The following NCOR2 variants were observed in gnomAD, a reference collection of about 807,000 sequenced individuals.
NCOR2 encodes the protein CTG repeat protein 26.
Under a neutral mutation model 262.9 loss-of-function variants are expected in NCOR2, and 81 were observed. That is an observed-to-expected ratio of 0.31 (90% CI 0.26 to 0.37). NCOR2 has a LOEUF of 0.37. Among genes scored for constraint, NCOR2 ranks in the 10% least tolerant of loss-of-function variants. NCOR2 has a pLI of 1.00. For missense variants in NCOR2, 3,385 were observed against 3,621.4 expected (o/e 0.93, Z 1.68); for synonymous variants, 1,659 against 1,559.3 (o/e 1.06, Z -1.51).
intron 1 of NCOR2, among the ~76,000 whole-genome samples, chr12:124,563,078 G>C (rs1285529974): frequency 6.6e-6 from 1 of 152,178 alleles, no homozygotes; most frequent in Admixed American, 6.5e-5. Context: ...GCCCCTAAAG[G>C]CTCTCCAATA....
intron 44 of NCOR2, among the ~76,000 whole-genome samples, chr12:124,330,015 T>C (rs973806955): frequency 6.6e-6 from 1 of 152,212 alleles, no homozygotes; most frequent in Admixed American, 6.5e-5. Context: ...GCTGACCCCC[T>C]GATAATATCT....
intron 1 of NCOR2, among the ~76,000 whole-genome samples, chr12:124,493,909 C>T (rs1173058330): frequency 1.3e-5 from 2 of 152,192 alleles, no homozygotes; most frequent in Non-Finnish European, 2.9e-5. Flanking sequence ...ACCTCTTGGG[C>T]CTCAGTCTCC....
chr12:124,400,444 C>G (rs895922408), intron 15 of NCOR2, 57 bp downstream of exon 17: 2 of 1,580,684 alleles, frequency 1.3e-6, no homozygotes, highest in Non-Finnish European at 1.7e-6. Context: ...TTCATATGAG[C>G]GCAACCCGCC....
At position 124,503,738 on chromosome 12, in the gene NCOR2, G is replaced by A. The variant is rs1052196600; in HGVS notation, c.-117-8370C>T. Among the ~76,000 whole-genome samples the A allele has an allele frequency of 7.3e-5, 11 of 150,190 alleles. No homozygotes were observed. Among genetic ancestry groups the A allele is most frequent in the Non-Finnish European group, 1.0e-4 (7 of 67,270 alleles). ...CAGACGAATGGATGGATGGATGGAC[G>A]GATGGATGCATGGATGCATGGATGG... On this transcript the variant is annotated intron_variant, in intron 1 of 46. Transcript: ENST00000404621. This position sits in a 1 kb window ranked among gnomAD's most constrained non-coding sequence, Gnocchi z 4.3.
At chr12:124,413,513 A>G (rs1329710484) in intron 13 of NCOR2, among the ~76,000 whole-genome samples, 2 of 152,138 alleles carry the variant, frequency 1.3e-5, no homozygotes, top group Non-Finnish European at 2.9e-5. Context: ...ACGAGGCAGG[A>G]AGGCCCCTGC....
chr12:124,446,052 C>G (rs2045148683), intron 7 of NCOR2, among the ~76,000 whole-genome samples: 1 of 152,246 alleles, frequency 6.6e-6, no homozygotes, highest in Non-Finnish European at 1.5e-5. Context: ...CGGGGCCTCC[C>G]TTCCCATGTC....
rs61751354 is a variant in NCOR2, at chr12:124,337,120, G to A, written c.5748C>T (p.Cys1916=). ...CCCCATCGAGGGTGCCGCCCAGTGG[G>A]CAGTGGGTGGCAGGTGGGAATGTGG... Residue 1916 remains cysteine (C), a synonymous_variant, in exon 38 of 47, where the codon TGC becomes TGT. Coordinates refer to ENST00000405201, the Ensembl canonical transcript of NCOR2. The A allele has an allele frequency of 0.018, 26,540 of 1,510,998 alleles. 328 individuals are homozygous for A. Among genetic ancestry groups the A allele is most frequent in the African/African-American group, 0.049 (3,540 of 72,794 alleles). The allele number at this position is 1,510,998 out of a possible 1,614,324, so 93.6% of individuals were successfully genotyped here. A position where few individuals can be genotyped will look rare whatever the true frequency, so the allele number is the denominator to read the frequency against.
chr12:124,374,370 C>T (rs2039813100), intron 19 of NCOR2, 43 bp downstream of exon 21: 1 of 1,600,836 alleles, frequency 6.2e-7, no homozygotes, highest in African/African-American at 1.3e-5. Flanking sequence ...GATGCCCGCC[C>T]CGGCCCGGCC....
chr12:124,488,391 C>T (rs907069553), intron 1 of NCOR2, among the ~76,000 whole-genome samples: 5 of 152,218 alleles, frequency 3.3e-5, no homozygotes, highest in African/African-American at 1.2e-4. Context: ...GTCTTTGGCC[C>T]TGTTATTCTA....
At chr12:124,380,375 C>T (rs933538424) in intron 17 of NCOR2, among the ~76,000 whole-genome samples, 2 of 152,232 alleles carry the variant, frequency 1.3e-5, no homozygotes, top group African/African-American at 4.8e-5. Context: ...AACGACTGCT[C>T]GTCCGTTAGT....
chr12:124,354,126 G>A, exon 27 of NCOR2: 2 of 1,610,708 alleles, frequency 1.2e-6, no homozygotes, highest in African/African-American at 1.3e-5. Flanking sequence ...TGATGGCGCT[G>A]TCCGAGGGCA....
intron 4 of NCOR2, among the ~76,000 whole-genome samples, chr12:124,469,870 A>G (rs2136678105): frequency 6.6e-6 from 1 of 152,306 alleles, no homozygotes; most frequent in South Asian, 2.1e-4. Context: ...AGGAAGATAA[A>G]AAAGGGTTGG....
At chr12:124,479,114 C>T (rs1262889047) in intron 3 of NCOR2, among the ~76,000 whole-genome samples, 1 of 152,170 alleles carries the variant, frequency 6.6e-6, no homozygotes, top group Non-Finnish European at 1.5e-5. Flanking sequence ...ACTCACCCCT[C>T]GGGCCTGCTC....
chr12:124,428,009 C>T (rs1360019059), intron 10 of NCOR2, among the ~76,000 whole-genome samples: 4 of 147,768 alleles, frequency 2.7e-5, no homozygotes, highest in Admixed American at 1.4e-4. Flanking sequence ...CCTTGATGTC[C>T]CTGAGGACTC....
At position 124,473,447 on chromosome 12, in the gene NCOR2, C is replaced by CCCT. The variant is rs917500354; in HGVS notation, c.412-319_412-317dup. ...TTTCTCCCGTGCTGGATGCTTCCTGCCCTCGAACATCACACTCCAAGTTCT... is the reference window on the plus strand; with the variant it reads ...TTTCTCCCGTGCTGGATGCTTCCTGCCCTCCTCGAACATCACACTCCAAGTTCT... On this transcript the variant is annotated intron_variant, in intron 3 of 46. Transcript: ENST00000405201. Among the ~76,000 whole-genome samples, 61 of 152,306 alleles carry CCCT rather than the reference C, an allele frequency of 4.0e-4. 1 individual carries two copies. The highest frequency in any genetic ancestry group is 1.3e-3 in the African/African-American group (52 of 41,574).
intron 1 of NCOR2, among the ~76,000 whole-genome samples, chr12:124,494,601 G>A (rs1037708627): frequency 7.9e-5 from 12 of 152,220 alleles, no homozygotes; most frequent in Middle Eastern, 6.8e-3. Flanking sequence ...CACAGGGCGG[G>A]CTCCCCAAAG....
chr12:124,537,749 T>G (rs905873221), upstream of NCOR2: 1 of 152,250 alleles, frequency 6.6e-6, no homozygotes, highest in Non-Finnish European at 1.5e-5. Flanking sequence ...CCCTCTCCAG[T>G]GCCTGGCAGG....
At chr12:124,398,262 A>G in intron 15 of NCOR2, 81 bp from the exon 18 acceptor site, 1 of 1,482,314 alleles carries the variant, frequency 6.7e-7, no homozygotes, top group Non-Finnish European at 9.4e-7. Context: ...CCTTTGAGCC[A>G]GGGAGGGAGT....
intron 20 of NCOR2, among the ~76,000 whole-genome samples, chr12:124,366,121 G>T (rs1165952053): frequency 6.6e-6 from 1 of 152,152 alleles, no homozygotes; most frequent in African/African-American, 2.4e-5. Flanking sequence ...AAATGTCTAT[G>T]CAGAAACCTG....
Sources: allele counts gnomAD v4.1 joint callset (sites outside exome capture counted in the v4.1 genomes callset), GRCh38; gene constraint gnomAD v4.1.1; non-coding constraint Gnocchi (gnomAD v3.1); transcripts MANE v1.5; gene names NCBI Gene and HGNC (gene_info 2026-07-23, HGNC 2026-07-21).